ADGRV1: variants seen among roughly 807,000 people sequenced by gnomAD.
ADGRV1 encodes the protein G-protein coupled receptor 98.
Under a neutral mutation model 596.2 loss-of-function variants are expected in ADGRV1, and 359 were observed. That is an observed-to-expected ratio of 0.60 (90% CI 0.55 to 0.66). The LOEUF is 0.66. ADGRV1 is among the 30% of genes least tolerant of loss of function. ADGRV1 has a pLI of 0.00. For missense variants in ADGRV1, 7,274 were observed against 7,575.6 expected, an observed-to-expected ratio of 0.96 and a Z score of 1.48; for synonymous variants, 2,681 against 2,679.2, an observed-to-expected ratio of 1.00 and a Z score of -0.02.
intron 84 of ADGRV1, among the ~76,000 whole-genome samples, chr5:90,983,060 A>G (rs1344677673): frequency 6.6e-6 from 1 of 152,310 alleles, no homozygotes; most frequent in Non-Finnish European, 1.5e-5. Flanking sequence ...TAAAAATGAT[A>G]TATTATGGGA....
chr5:90,797,879 A>G (rs1306884002), intron 70 of ADGRV1, among the ~76,000 whole-genome samples: 2 of 152,212 alleles, frequency 1.3e-5, no homozygotes, highest in African/African-American at 4.8e-5. Context: ...TTTGAAACCA[A>G]TGAGAACAAA....
chr5:91,059,099 C>T (rs1408629698), intron 85 of ADGRV1, among the ~76,000 whole-genome samples: 1 of 152,154 alleles, frequency 6.6e-6, no homozygotes, highest in Non-Finnish European at 1.5e-5. Context: ...AGGATTTGGG[C>T]TTAGCAATAG....
rs766907011 is a variant in ADGRV1 at position 90,811,144 on chromosome 5, A to T, written c.15884A>T (p.Glu5295Val). Residue 5295 changes from glutamate (E) to valine (V), a missense_variant, in exon 74 of 90, where the codon GAA (glutamate) becomes GTA (valine). Glu to Val is a moderately radical substitution (Grantham distance 121, BLOSUM62 -2). This residue lies in a region of ADGRV1 where 1,874 missense variants were observed against 1,970.2 expected (regional missense o/e 0.95). Coordinates refer to ENST00000405460, the MANE Select transcript of ADGRV1 (RefSeq NM_032119.4). ...TGGGCAGTTGAAGAAGAAGACTTTG[A>T]AGAACAAACTCTTACCCTTATATTC... ...LTWAVEEEDF[E>V]EQTLTLIFLD... is the part of the protein sequence containing the mutation. 96 of 1,613,682 alleles carry T rather than the reference A, an allele frequency of 5.9e-5. 1 individual carries two copies. In the Middle Eastern group the frequency reaches 1.2e-3, roughly 19 times the overall value.
chr5:91,033,302 T>C (rs1166172771), intron 85 of ADGRV1, among the ~76,000 whole-genome samples: 1 of 152,192 alleles, frequency 6.6e-6, no homozygotes, highest in Non-Finnish European at 1.5e-5. Flanking sequence ...TTTTTTATTA[T>C]AAGCATGGCT....
chr5:90,912,308 C>T (rs1032926298), intron 83 of ADGRV1, among the ~76,000 whole-genome samples: 7 of 152,090 alleles, frequency 4.6e-5, no homozygotes, highest in African/African-American at 1.7e-4. Flanking sequence ...GACAGAAGCA[C>T]CTGTGTCAGC....
rs1234595817 is a variant in ADGRV1, at chr5:90,784,018, G to A, written c.13614G>A (p.Leu4538=). Residue 4538 remains leucine, a synonymous_variant, in exon 67 of 90, where the codon CTG becomes CTA. Coordinates refer to ENST00000405460, the MANE Select transcript of ADGRV1 (RefSeq NM_032119.4). ...CCAATTCCACAATGATTTTATCACT[G>A]GTGCTGGAGCGGACTGGAGGACTCT... ...ANPNSTMILS[L]VLERTGGLLG... is the part of the protein sequence containing the mutation. 1 of 1,612,862 alleles carries A rather than the reference G, an allele frequency of 6.2e-7. No homozygotes were observed. Among genetic ancestry groups the A allele is most frequent in the Admixed American group, 1.7e-5 (1 of 59,854 alleles).
intron 83 of ADGRV1, among the ~76,000 whole-genome samples, chr5:90,924,766 G>A (rs1157467886): frequency 6.6e-6 from 1 of 151,730 alleles, no homozygotes; most frequent in African/African-American, 2.4e-5. Flanking sequence ...ATGGTTTTAG[G>A]TCTAACGTTT....
intron 40 of ADGRV1, 29 bp from the exon 41 acceptor site, chr5:90,711,155 T>A: frequency 6.3e-7 from 1 of 1,585,322 alleles, no homozygotes. Context: ...ATTTTTTTTG[T>A]TTGTTTTTGT....
chr5:90,787,996 T>G, intron 67 of ADGRV1, 75 bp from the exon 68 acceptor site: 1 of 1,052,638 alleles, frequency 9.5e-7, no homozygotes. Context: ...TTCTTAATAC[T>G]AGATACCCTG....
chr5:91,020,967 A>G (rs1783586579), intron 85 of ADGRV1, among the ~76,000 whole-genome samples: 1 of 152,080 alleles, frequency 6.6e-6, no homozygotes, highest in Non-Finnish European at 1.5e-5. Flanking sequence ...AAGTTTGAGT[A>G]CTTTCAAGCT....
chr5:90,566,993 TA>T (rs1398704652), intron 1 of ADGRV1, among the ~76,000 whole-genome samples: 2 of 152,140 alleles, frequency 1.3e-5, no homozygotes, highest in Admixed American at 6.5e-5. Flanking sequence ...CCTTTATTCC[TA>T]ATTTGTATAA....
At chr5:90,619,266 T>C in intron 4 of ADGRV1, 85 bp downstream of exon 4, 1 of 569,076 alleles carries the variant, frequency 1.8e-6, no homozygotes, top group Non-Finnish European at 3.0e-6. Context: ...TGTTAGCTAG[T>C]ATCATGCTGT....
intron 1 of ADGRV1, among the ~76,000 whole-genome samples, chr5:90,599,761 C>T (rs1413444859): frequency 1.3e-5 from 2 of 151,836 alleles, no homozygotes; most frequent in Admixed American, 6.6e-5. Flanking sequence ...GTGTATGAGG[C>T]GGATGGAGAA....
intron 1 of ADGRV1, among the ~76,000 whole-genome samples, chr5:90,576,355 C>T (rs1284435859): frequency 6.7e-6 from 1 of 149,766 alleles, no homozygotes; most frequent in Non-Finnish European, 1.5e-5. Flanking sequence ...TGAGTGAGAA[C>T]ATGTGGTGTT....
chr5:91,008,132 A>G (rs2151132844), intron 85 of ADGRV1, among the ~76,000 whole-genome samples: 1 of 152,332 alleles, frequency 6.6e-6, no homozygotes, highest in South Asian at 2.1e-4. Flanking sequence ...AATAAATATT[A>G]GGTCATAATA....
chr5:90,617,887 C>A lies in ADGRV1; in HGVS notation c.291C>A (p.Tyr97Ter). 3 of 1,597,336 alleles carry A rather than the reference C, an allele frequency of 1.9e-6. No individual in the cohort carries two copies. The highest frequency in any genetic ancestry group is 2.6e-6 in the Non-Finnish European group (3 of 1,170,704). The stretch of plus-strand genomic sequence containing the variant: ...CCGGAGAAACAAACAGAACAGTGTA[C>A]ATAGCAGTATGTGATGATGACTTAC... ...IPAGETNRTV[Y>*]IAVCDDDLPE... The change falls in exon 3 of 90, where the codon TAC becomes TAA. Residue 97 changes from tyrosine (Y) to a stop codon, truncating the protein, a stop_gained. Transcript: ENST00000405460. LOFTEE classifies it high-confidence loss of function.
At chr5:90,720,265 A>G (rs1750740734) in intron 44 of ADGRV1, 42 bp downstream of exon 44, 2 of 1,224,848 alleles carry the variant, frequency 1.6e-6, no homozygotes, top group Admixed American at 6.0e-5. Context: ...CTGAAGCTAT[A>G]AGTAGGGAAT....
At chr5:90,825,880 C>T (rs1441706897) in intron 76 of ADGRV1, 1 of 152,208 alleles carries the variant, frequency 6.6e-6, no homozygotes, top group Non-Finnish European at 1.5e-5. Context: ...AGTCACACCT[C>T]TTCTTTCTCT....
intron 76 of ADGRV1, among the ~76,000 whole-genome samples, chr5:90,826,715 T>C (rs1764108350): frequency 6.6e-6 from 1 of 152,164 alleles, no homozygotes; most frequent in South Asian, 2.1e-4. Flanking sequence ...GTTACAGATA[T>C]TGCAGACACA....
Sources: allele counts gnomAD v4.1 joint callset (sites outside exome capture counted in the v4.1 genomes callset), GRCh38; gene constraint gnomAD v4.1.1; regional missense constraint gnomAD v4.1.1; transcripts MANE v1.5; gene names NCBI Gene and HGNC (gene_info 2026-07-23, HGNC 2026-07-21).